MPP3: variants seen among roughly 807,000 people sequenced by gnomAD.
The protein encoded by MPP3 is MAGUK p55 scaffold protein 3, also known as MAGUK p55 subfamily member 3.
MPP3 carries 48 observed loss-of-function variants against 80.7 expected under a neutral mutation model. The observed-to-expected ratio is 0.59, with a 90% CI of 0.47 to 0.76. The LOEUF (loss-of-function observed/expected upper bound fraction) is 0.76, where lower values mean the gene tolerates loss of function less well. MPP3 is among the 30% of genes least tolerant of loss of function. The pLI is 0.00. For synonymous variants in MPP3, 311 were observed against 297.6 expected (o/e 1.04, Z -0.46); for missense variants, 620 against 763.0 (o/e 0.81, Z 2.21).
At chr17:43,801,963 C>T in intron 19 of MPP3, 86 bp from the exon 20 acceptor site, 2 of 1,412,380 alleles carry the variant, frequency 1.4e-6, no homozygotes, top group South Asian at 2.7e-5. Flanking sequence ...ATGTTCCAAC[C>T]TTTAACTTTT....
chr17:43,807,396 T>C (rs2044665069), intron 19 of MPP3, among the ~76,000 whole-genome samples: 1 of 151,596 alleles, frequency 6.6e-6, no homozygotes, highest in East Asian at 2.0e-4. Context: ...ACTGCAGCCT[T>C]GACCTATTAG....
At chr17:43,824,449 G>C (rs925233373) in intron 9 of MPP3, among the ~76,000 whole-genome samples, 4 of 152,034 alleles carry the variant, frequency 2.6e-5, no homozygotes, top group Admixed American at 2.6e-4. Context: ...CTGATTTGGG[G>C]CTGGTCTCTG....
chr17:43,809,243 C>T (rs752946761), intron 18 of MPP3, among the ~76,000 whole-genome samples, 165 bp from the exon 19 acceptor site: 48 of 152,210 alleles, frequency 3.2e-4, no homozygotes, highest in Non-Finnish European at 5.3e-4. Context: ...AGACCAACTG[C>T]TCCTTTTCTC....
chr17:43,811,506 GA>G (rs2044857597), intron 16 of MPP3: 2 of 324,742 alleles, frequency 6.2e-6, no homozygotes, highest in Non-Finnish European at 1.1e-5. Flanking sequence ...AGCACAGCCA[GA>G]ATCGGTCTCT....
chr17:43,816,139 G>A lies in MPP3; in HGVS notation c.968-60C>T, dbSNP rs1017438095. On this transcript the variant is annotated intron_variant, in intron 13 of 19. Coordinates refer to ENST00000398389, the MANE Select transcript of MPP3 (RefSeq NM_001932.6). ...TCCCACCAGACACATCCGGCCCAGG[G>A]CACCCAGCCCCTGGATGGCCAGGCA... 3.5e-6 allele frequency: 5 copies of A among 1,439,890 alleles called. No homozygotes were observed. In the African/African-American group the frequency reaches 7.4e-5, roughly 21 times the overall value. 89.2% of individuals were successfully genotyped at this position (1,439,890 alleles called of 1,614,324 possible).
Position 43,811,193 on chromosome 17 carries a change from G to A in MPP3, c.1268C>T (p.Pro423Leu). ...TCCTTCCTTCTCATGGCTCTTTCGG[G>A]GCCTGGTGGTATCTTTTAAAGAAAG... ...FGVAVPHTTR[P>L]RKSHEKEGVE... Residue 423 changes from proline to leucine, a missense_variant, in exon 17 of 20, where the codon CCC (proline) becomes CTC (leucine). Pro to Leu is a moderately conservative substitution (Grantham distance 98). Transcript: ENST00000398389. 10 of 1,613,716 alleles carry A rather than the reference G, an allele frequency of 6.2e-6. No homozygotes were observed. The highest frequency in any genetic ancestry group is 8.5e-6 in the Non-Finnish European group (10 of 1,179,692).
intron 12 of MPP3, chr17:43,817,829 C>G (rs2045221935): frequency 2.1e-6 from 1 of 485,054 alleles, no homozygotes; most frequent in South Asian, 3.1e-5. Flanking sequence ...ACATACCCCC[C>G]AGCATCATCT....
chr17:43,818,139 C>A, intron 11 of MPP3, 29 bp from the exon 12 acceptor site: 2 of 1,472,634 alleles, frequency 1.4e-6, no homozygotes, highest in Non-Finnish European at 1.8e-6. Flanking sequence ...ATGGGCGGGC[C>A]CGTGAGCTGG....
chr17:43,801,142 C>T lies in MPP3; in HGVS notation c.*559G>A, dbSNP rs749230705. The T allele has an allele frequency of 4.8e-4, 73 of 153,490 alleles. 1 individual carries two copies. The highest frequency in any genetic ancestry group is 7.2e-5 in the Non-Finnish European group (5 of 69,150). The allele number at this position is 153,490 out of a possible 1,614,324, so 9.5% of individuals were successfully genotyped here. A position where few individuals can be genotyped will look rare whatever the true frequency, so the allele number is the denominator to read the frequency against. ...ATGTTGATGGTGAAGTGTGCCTCAG[C>T]CTTCCAGAGAAAATTTACGTATATT... is the stretch of plus-strand genomic sequence containing the variant. On this transcript the variant is annotated 3_prime_UTR_variant, in exon 20 of 20. Coordinates refer to ENST00000398389, the MANE Select transcript of MPP3 (RefSeq NM_001932.6).
In MPP3 at chr17:43,820,843, C is replaced by T; in HGVS notation, c.881+19G>A. The T allele has an allele frequency of 6.2e-7, 1 of 1,613,270 alleles. No homozygotes were observed. Among genetic ancestry groups the T allele is most frequent in the Middle Eastern group, 1.7e-4 (1 of 6,058 alleles). On this transcript the variant is annotated intron_variant, in intron 11 of 19. Transcript: ENST00000398389. ...CTGCCACTCTGGAACCAGCCCTTCA[C>T]AACATACCCCAGACCCACCTCTCCT... is the stretch of plus-strand genomic sequence containing the variant.
chr17:43,831,541 G>T lies in MPP3; in HGVS notation c.144+18C>A. The stretch of plus-strand genomic sequence containing the variant: ...GACCTCTAGACACCCTTCCACGCAG[G>T]ATGACGTGGGACTTCACCTTCATTA... On this transcript the variant is annotated intron_variant, in intron 4 of 19. Coordinates refer to ENST00000398389, the MANE Select transcript of MPP3 (RefSeq NM_001932.6). 6.4e-7 allele frequency: 1 copy of T among 1,560,198 alleles called. No homozygotes were observed. The highest frequency in any genetic ancestry group is 8.8e-7 in the Non-Finnish European group (1 of 1,132,462).
chr17:43,811,244 A>C, intron 16 of MPP3, 39 bp from the exon 17 acceptor site: 2 of 1,498,220 alleles, frequency 1.3e-6, no homozygotes, highest in Non-Finnish European at 1.9e-6. Flanking sequence ...AAGAGATGTC[A>C]CATCACAGCA....
intron 17 of MPP3, 30 bp downstream of exon 17, chr17:43,811,082 G>T: frequency 6.3e-7 from 1 of 1,582,986 alleles, no homozygotes; most frequent in Non-Finnish European, 8.7e-7. Flanking sequence ...CAACTGCCTG[G>T]AGGGCCAACT....
rs1473388829 is a variant in MPP3, at chr17:43,804,605, G to C, written c.1582-2728C>G. Among the ~76,000 whole-genome samples, 4 of 152,216 alleles carry C rather than the reference G, an allele frequency of 2.6e-5. No homozygotes were observed. The East Asian group carries it at 7.7e-4, about 29-fold the overall frequency. The stretch of plus-strand genomic sequence containing the variant: ...AAATATCTTAAAAGAAAACAAAGGA[G>C]TAAATCTTTATGGCCTTGGATTCGA... On this transcript the variant is annotated intron_variant, in intron 19 of 19. Transcript: ENST00000398389.
chr17:43,830,310 G>A (rs191061533), intron 5 of MPP3, among the ~76,000 whole-genome samples: 8 of 152,318 alleles, frequency 5.3e-5, no homozygotes, highest in African/African-American at 4.8e-5. Context: ...AGGAGCCACC[G>A]TTTTAAGCCC....
chr17:43,816,427 G>A (rs532897256), intron 13 of MPP3, among the ~76,000 whole-genome samples: 4 of 152,112 alleles, frequency 2.6e-5, no homozygotes, highest in Non-Finnish European at 4.4e-5. Context: ...CAGCGTAGCC[G>A]AGTCCTGGAA....
At chr17:43,809,622 G>A (rs756475988) in intron 18 of MPP3, among the ~76,000 whole-genome samples, 1 of 152,192 alleles carries the variant, frequency 6.6e-6, no homozygotes, top group Non-Finnish European at 1.5e-5. Flanking sequence ...GCTCACACCT[G>A]TAATCCCAGC....
intron 16 of MPP3, among the ~76,000 whole-genome samples, chr17:43,812,885 C>T (rs1258096883): frequency 6.6e-6 from 1 of 152,192 alleles, no homozygotes. Context: ...ATGGCCTCCC[C>T]AGGGCCACCA....
At chr17:43,829,249 A>C (rs1690516542) in intron 7 of MPP3, among the ~76,000 whole-genome samples, 1 of 152,060 alleles carries the variant, frequency 6.6e-6, no homozygotes, top group African/African-American at 2.4e-5. Flanking sequence ...TGTCACAACG[A>C]CTCAACTCTG....
Sources: gnomAD v4.1 joint callset for allele counts (sites outside exome capture counted in the v4.1 genomes callset) on GRCh38, gnomAD v4.1.1 for gene constraint, MANE v1.5 for transcripts, NCBI Gene and HGNC (gene_info 2026-07-23, HGNC 2026-07-21) for gene names.